Variants in PTPRR observed in about 807,000 individuals in gnomAD.
PTPRR encodes protein tyrosine phosphatase receptor type R, also known as receptor-type tyrosine-protein phosphatase R.
A neutral mutation model predicts 77.2 loss-of-function variants in PTPRR; 38 were observed. The observed-to-expected ratio is 0.49, with a 90% CI of 0.38 to 0.65. PTPRR has a LOEUF of 0.65. PTPRR is among the 30% of genes least tolerant of loss of function. PTPRR has a pLI of 0.00. For missense variants in PTPRR, 744 were observed against 799.2 expected, an observed-to-expected ratio of 0.93 and a Z score of 0.83; for synonymous variants, 299 against 283.1, an observed-to-expected ratio of 1.06 and a Z score of -0.57.
intron 7 of PTPRR, among the ~76,000 whole-genome samples, chr12:70,700,857 G>A (rs1888395555): frequency 6.6e-6 from 1 of 152,160 alleles, no homozygotes; most frequent in South Asian, 2.1e-4. Flanking sequence ...GACAGTGACA[G>A]CAAGGCTATT....
intron 2 of PTPRR, among the ~76,000 whole-genome samples, chr12:70,799,165 C>T (rs145900591): frequency 8.5e-5 from 13 of 152,220 alleles, no homozygotes; most frequent in Non-Finnish European, 1.8e-4. Context: ...CCTCAAAAAA[C>T]AGTCCAGAGT....
chr12:70,674,398 T>C (rs1227528998), intron 10 of PTPRR, among the ~76,000 whole-genome samples: 1 of 152,238 alleles, frequency 6.6e-6, no homozygotes, highest in Non-Finnish European at 1.5e-5. Context: ...CTTCCTTCTA[T>C]GAGCATTTTT....
In PTPRR at chr12:70,866,595, C is replaced by T. The variant is rs925460786; in HGVS notation, c.357+26084G>A. On this transcript the variant is annotated intron_variant, in intron 2 of 13. Coordinates refer to ENST00000283228, the MANE Select transcript of PTPRR (RefSeq NM_002849.4). Reference sequence around the variant, plus strand: ...CAGATGGATTCACAGCCGAATTCTACCAAAGGTACAAGGAGGAACTGGTAC... The same window carrying T: ...CAGATGGATTCACAGCCGAATTCTATCAAAGGTACAAGGAGGAACTGGTAC... Among the ~76,000 whole-genome samples the T allele has an allele frequency of 5.7e-4, 87 of 152,286 alleles. 1 individual carries two copies. Among genetic ancestry groups the T allele is most frequent in the Admixed American group, 2.1e-3 (32 of 15,288 alleles).
intron 13 of PTPRR, among the ~76,000 whole-genome samples, chr12:70,645,564 C>T (rs1886165379): frequency 6.6e-6 from 1 of 152,134 alleles, no homozygotes; most frequent in Non-Finnish European, 1.5e-5. Context: ...TAATGATGCC[C>T]CATTCCATGC....
At chr12:70,753,854 ATAAAG>A (rs1412101210) in intron 5 of PTPRR, among the ~76,000 whole-genome samples, 1 of 152,174 alleles carries the variant, frequency 6.6e-6, no homozygotes, top group Non-Finnish European at 1.5e-5. Flanking sequence ...AAAAGGAGAA[ATAAAG>A]TAAACCCAAA....
chr12:70,755,820 C>T (rs1890549469), intron 4 of PTPRR, among the ~76,000 whole-genome samples: 1 of 152,026 alleles, frequency 6.6e-6, no homozygotes, highest in Non-Finnish European at 1.5e-5. Flanking sequence ...GTTCAAGCGA[C>T]AAATTTTCTT....
chr12:70,733,952 C>T (rs2136894755), intron 6 of PTPRR, among the ~76,000 whole-genome samples: 1 of 152,282 alleles, frequency 6.6e-6, no homozygotes, highest in South Asian at 2.1e-4. Context: ...ATAAAATGCA[C>T]ATAGTGGGAC....
chr12:70,831,429 T>C (rs991070637), intron 2 of PTPRR, among the ~76,000 whole-genome samples: 5 of 152,198 alleles, frequency 3.3e-5, no homozygotes, highest in African/African-American at 1.2e-4. Flanking sequence ...AATATCATTT[T>C]GGCATTCTGT....
intron 6 of PTPRR, among the ~76,000 whole-genome samples, chr12:70,706,113 C>T (rs1187134954): frequency 6.6e-6 from 1 of 151,950 alleles, no homozygotes; most frequent in Non-Finnish European, 1.5e-5. Context: ...AATTCTTTTA[C>T]TTTGTGTGGA....
At chr12:70,649,604 C>T (rs1225711677) in intron 13 of PTPRR, among the ~76,000 whole-genome samples, 4 of 152,126 alleles carry the variant, frequency 2.6e-5, no homozygotes, top group East Asian at 3.9e-4. Flanking sequence ...TTTTTTGAGT[C>T]TCACTCTCTC....
At chr12:70,675,697 C>T (rs2136708409) in intron 10 of PTPRR, among the ~76,000 whole-genome samples, 1 of 151,866 alleles carries the variant, frequency 6.6e-6, no homozygotes, top group African/African-American at 2.4e-5. Flanking sequence ...TTTATCCTCC[C>T]TTGTAGTTGT....
At chr12:70,825,925 CAT>C (rs2137045533) in intron 2 of PTPRR, among the ~76,000 whole-genome samples, 1 of 152,350 alleles carries the variant, frequency 6.6e-6, no homozygotes, top group East Asian at 1.9e-4. Context: ...GGCTAGAAAA[CAT>C]ATCACAACTC....
chr12:70,779,248 TA>T (rs1436337810), intron 2 of PTPRR, among the ~76,000 whole-genome samples: 4 of 152,102 alleles, frequency 2.6e-5, no homozygotes, highest in Non-Finnish European at 2.9e-5. Context: ...TGTTTAGAGT[TA>T]AATTCCATCA....
intron 2 of PTPRR, among the ~76,000 whole-genome samples, chr12:70,801,646 G>T (rs140394516): frequency 6.6e-6 from 1 of 152,070 alleles, no homozygotes; most frequent in African/African-American, 2.4e-5. Flanking sequence ...ACTCAGACTG[G>T]AACTATACTA....
At chr12:70,909,807 CCT>C (rs1241385348) in intron 1 of PTPRR, among the ~76,000 whole-genome samples, 1 of 152,154 alleles carries the variant, frequency 6.6e-6, no homozygotes, top group Non-Finnish European at 1.5e-5. Flanking sequence ...CTACCCAATC[CCT>C]GAGACTGACA....
chr12:70,876,851 A>G (rs1213270826), intron 2 of PTPRR, among the ~76,000 whole-genome samples: 1 of 152,224 alleles, frequency 6.6e-6, no homozygotes, highest in African/African-American at 2.4e-5. Context: ...GGTGAAATGA[A>G]TGAGTCAGAT....
intron 13 of PTPRR, among the ~76,000 whole-genome samples, chr12:70,651,457 T>C (rs575748538): frequency 2.0e-5 from 3 of 152,312 alleles, no homozygotes; most frequent in South Asian, 4.1e-4. Context: ...GCATCCTCCA[T>C]AGATAGATAT....
In PTPRR at chr12:70,744,309, T is replaced by C. The variant is rs563403597; in HGVS notation, c.1007+1509A>G. On this transcript the variant is annotated intron_variant, in intron 6 of 13. Coordinates refer to ENST00000283228, the MANE Select transcript of PTPRR (RefSeq NM_002849.4). ...TTAGCCTTAGGGAGAAAGTTCCATT[T>C]TCTCTACCTTTCCACACTGAATCAC... Among the ~76,000 whole-genome samples the C allele has an allele frequency of 5.3e-5, 8 of 152,326 alleles. No individual in the cohort carries two copies. In the South Asian group the frequency reaches 1.0e-3, roughly 20 times the overall value.
At chr12:70,773,696 A>G (rs1006623460) in intron 2 of PTPRR, among the ~76,000 whole-genome samples, 3 of 152,202 alleles carry the variant, frequency 2.0e-5, no homozygotes, top group Admixed American at 6.5e-5. Flanking sequence ...ACAGAAAGCA[A>G]TTCCTACTAG....
Sources: gnomAD v4.1 joint callset for allele counts (sites outside exome capture counted in the v4.1 genomes callset) on GRCh38, gnomAD v4.1.1 for gene constraint, MANE v1.5 for transcripts, NCBI Gene and HGNC (gene_info 2026-07-23, HGNC 2026-07-21) for gene names.